NBPF4: variants seen among roughly 807,000 people sequenced by gnomAD.
NBPF4 encodes the protein NBPF member 4.
In NBPF4, 11 loss-of-function variants were observed where a neutral mutation model predicts 21.1. That is an observed-to-expected ratio of 0.52 (90% CI 0.33 to 0.86). NBPF4 has a LOEUF of 0.86. NBPF4 is among the 40% of genes least tolerant of loss of function. The probability of loss-of-function intolerance (pLI) is 0.03; values close to 1 mark genes in which losing one functional copy is unlikely to be tolerated. For missense variants in NBPF4, 88 were observed against 265.3 expected (o/e 0.33, Z 4.64); for synonymous variants, 47 against 106.4 (o/e 0.44, Z 3.43).
At chr1:108,247,979 A>ATT (rs1439763964), upstream of NBPF4, among the ~76,000 whole-genome samples, 4 of 146,452 alleles carry the variant, frequency 2.7e-5, no homozygotes, top group African/African-American at 1.0e-4. Context: ...ATTTCTGGCT[A>ATT]TTTTTTTTTT....
chr1:108,246,284 C>G (rs1649846167), upstream of NBPF4, among the ~76,000 whole-genome samples: 1 of 127,658 alleles, frequency 7.8e-6, no homozygotes, highest in Admixed American at 8.9e-5. Context: ...ACTCATCACA[C>G]CCTGAACTCA....
Position 108,228,997 on chromosome 1 carries a change from AAGCCGTTCCCAC to A in NBPF4, c.1571_1582del (p.Cys524_Gly527del), listed in dbSNP as rs1255285481. The A allele has an allele frequency of 7.1e-6, 11 of 1,544,952 alleles. No individual in the cohort carries two copies. On this transcript the variant is annotated inframe_deletion, in exon 13 of 15. Transcript: ENST00000415641. ...GGTGGAGGAAAGGCCCCGCTGGGCC[AAGCCGTTCCCAC>A]AGTGGAACCCTTGATCCAGCTGTAG...
chr1:108,235,052 G>T (rs1224146449), intron 9 of NBPF4, among the ~76,000 whole-genome samples, 184 bp downstream of exon 9: 1 of 35,202 alleles, frequency 2.8e-5, no homozygotes, highest in African/African-American at 1.6e-4. Flanking sequence ...CTGAACTTAA[G>T]AAGTTAATAA....
chr1:108,224,875 C>T (rs1301662573), intron 14 of NBPF4, among the ~76,000 whole-genome samples: 2 of 150,896 alleles, frequency 1.3e-5, no homozygotes, highest in African/African-American at 4.9e-5. Context: ...TATACAATCT[C>T]GTGCAGCATT....
rs1558038144 is a variant in NBPF4, at chr1:108,223,830, A to G, written c.1876-84T>C. On this transcript the variant is annotated intron_variant, in intron 14 of 14. Coordinates refer to ENST00000415641, the MANE Select transcript of NBPF4 (RefSeq NM_001143989.3). ...GCTGAGTCTGGAGGGATTGCTAAGC[A>G]GTGATATCTCACTGGGATCTCCTGC... 3.2e-5 allele frequency: 41 copies of G among 1,278,592 alleles called. 1 individual carries two copies. Among genetic ancestry groups the G allele is most frequent in the Admixed American group, 1.3e-4 (6 of 45,622 alleles). 79.2% of individuals were successfully genotyped at this position (1,278,592 alleles called of 1,614,324 possible).
At chr1:108,266,529 CT>C in the NBPF4 span, among the ~76,000 whole-genome samples, 1 of 104,048 alleles carries the variant, frequency 9.6e-6, no homozygotes, top group African/African-American at 3.7e-5. Context: ...GGTTGGCAAA[CT>C]TTGGCCTGAG....
chr1:108,223,694 G>A lies in NBPF4; in HGVS notation c.*11C>T, dbSNP rs1220548729. On this transcript the variant is annotated 3_prime_UTR_variant, in exon 15 of 15. Transcript: ENST00000415641. ...TTATCAAGTGGAAAAGCTGCTTTTT[G>A]TGACATTCTTTCATCCTGCCATCCT... The A allele has an allele frequency of 2.5e-6, 4 of 1,571,988 alleles. No homozygotes were observed. Among genetic ancestry groups the A allele is most frequent in the Non-Finnish European group, 3.5e-6 (4 of 1,158,324 alleles).
rs1210239729 is a variant in NBPF4, at chr1:108,222,897, T to C, written c.*808A>G. On this transcript the variant is annotated 3_prime_UTR_variant, in exon 15 of 15. Transcript: ENST00000415641. ...CCCCTCCTTAACCAAGTGACCATCC[T>C]AGTATCACCGCACTGGGGATGGACA... is the stretch of plus-strand genomic sequence containing the variant. Among the ~76,000 whole-genome samples, 1 of 152,150 alleles carries C rather than the reference T, an allele frequency of 6.6e-6. No individual in the cohort carries two copies. Among genetic ancestry groups the C allele is most frequent in the African/African-American group, 2.4e-5 (1 of 41,436 alleles).
the NBPF4 span, among the ~76,000 whole-genome samples, chr1:108,259,858 A>G: frequency 6.7e-6 from 1 of 150,080 alleles, no homozygotes; most frequent in South Asian, 2.1e-4. Flanking sequence ...TATTATTAAT[A>G]GATAAAATCT....
upstream of NBPF4, among the ~76,000 whole-genome samples, chr1:108,247,538 T>C (rs1367828519): frequency 6.6e-6 from 1 of 152,286 alleles, no homozygotes; most frequent in Non-Finnish European, 1.5e-5. Flanking sequence ...ACAGAGAGTC[T>C]GTAACTTGCC....
the NBPF4 span, among the ~76,000 whole-genome samples, chr1:108,267,927 G>GTTTA: frequency 1.3e-3 from 136 of 108,790 alleles, 8 homozygotes; most frequent in Admixed American, 2.2e-3. Context: ...TTGTTTGTTT[G>GTTTA]TTTATTTATT....
At chr1:108,253,943 C>T in the NBPF4 span, among the ~76,000 whole-genome samples, 1 of 28,706 alleles carries the variant, frequency 3.5e-5, no homozygotes, top group Non-Finnish European at 5.9e-5. Context: ...CTATGAGTTC[C>T]TTATATTTTG....
chr1:108,250,292 C>T, the NBPF4 span, among the ~76,000 whole-genome samples: 1 of 127,758 alleles, frequency 7.8e-6, no homozygotes, highest in East Asian at 2.3e-4. Flanking sequence ...CAATTCTAGA[C>T]AGCTTCAATT....
chr1:108,244,903 T>TAGATAG (rs1318217386), upstream of NBPF4, among the ~76,000 whole-genome samples: 2 of 14,728 alleles, frequency 1.4e-4, no homozygotes, highest in African/African-American at 5.6e-4. Flanking sequence ...TTGTTGGAGA[T>TAGATAG]ATATATATAT....
At chr1:108,268,568 A>AG in the NBPF4 span, among the ~76,000 whole-genome samples, 1 of 8,638 alleles carries the variant, frequency 1.2e-4, no homozygotes, top group Non-Finnish European at 2.4e-4. Context: ...GGTGGGTGGG[A>AG]GGGGGGAACA....
At chr1:108,254,100 G>A in the NBPF4 span, among the ~76,000 whole-genome samples, 3 of 113,966 alleles carry the variant, frequency 2.6e-5, no homozygotes, top group African/African-American at 1.0e-4. Context: ...TTTTGGCGGA[G>A]TTTTGCTCTT....
upstream of NBPF4, among the ~76,000 whole-genome samples, chr1:108,244,947 T>TATATATATATATATAC (rs754071410): frequency 8.6e-5 from 3 of 34,960 alleles, no homozygotes; most frequent in Non-Finnish European, 1.6e-4. Context: ...TATATATATA[T>TATATATATATATATAC]ACACACACAT....
At chr1:108,258,573 G>A in the NBPF4 span, among the ~76,000 whole-genome samples, 1 of 139,562 alleles carries the variant, frequency 7.2e-6, no homozygotes, top group African/African-American at 2.8e-5. Flanking sequence ...CAGGTGAAAA[G>A]AATCTTTTTC....
intron 14 of NBPF4, among the ~76,000 whole-genome samples, chr1:108,224,525 A>G (rs1331585172): frequency 6.8e-6 from 1 of 146,896 alleles, no homozygotes; most frequent in African/African-American, 2.6e-5. Context: ...AATATATATA[A>G]TTATAAGTTT....
Sources: allele counts gnomAD v4.1 joint callset (sites outside exome capture counted in the v4.1 genomes callset), GRCh38; gene constraint gnomAD v4.1.1; transcripts MANE v1.5; gene names NCBI Gene and HGNC (gene_info 2026-07-23, HGNC 2026-07-21).